The following ANKRD44 variants were observed in gnomAD, a reference collection of about 807,000 sequenced individuals.
ANKRD44 encodes ankyrin repeat domain 44.
A neutral mutation model predicts 116.0 loss-of-function variants in ANKRD44; 35 were observed. That is an observed-to-expected ratio of 0.30 (90% CI 0.23 to 0.40). The LOEUF is 0.40. ANKRD44 is among the 10% of genes least tolerant of loss of function. ANKRD44 has a pLI of 1.00. For missense variants in ANKRD44, 1,014 were observed against 1,242.6 expected (o/e 0.82, Z 2.77); for synonymous variants, 435 against 461.8 (o/e 0.94, Z 0.74).
intron 2 of ANKRD44, among the ~76,000 whole-genome samples, chr2:197,156,156 C>T (rs573447157): frequency 3.9e-5 from 6 of 152,234 alleles, no homozygotes; most frequent in Admixed American, 2.6e-4. Flanking sequence ...ATCATCCTGG[C>T]TAACATGGTG....
chr2:197,037,784 C>T (rs759345356), intron 16 of ANKRD44, among the ~76,000 whole-genome samples: 1 of 151,984 alleles, frequency 6.6e-6, no homozygotes, highest in Non-Finnish European at 1.5e-5. Context: ...CAAACAATGA[C>T]AAAAAACAAT....
chr2:197,129,725 T>TA (rs1297835472), intron 4 of ANKRD44, among the ~76,000 whole-genome samples: 1 of 152,234 alleles, frequency 6.6e-6, no homozygotes, highest in Non-Finnish European at 1.5e-5. Context: ...AGTAGAAACA[T>TA]ACACTGTGGC....
chr2:197,105,758 T>G (rs1379378332), intron 9 of ANKRD44, among the ~76,000 whole-genome samples: 2 of 152,256 alleles, frequency 1.3e-5, no homozygotes, highest in East Asian at 3.9e-4. Context: ...GATGGTAGCT[T>G]TGGAGACAGG....
At chr2:197,249,780 C>T (rs1476767287) in intron 1 of ANKRD44, among the ~76,000 whole-genome samples, 1 of 152,084 alleles carries the variant, frequency 6.6e-6, no homozygotes, top group African/African-American at 2.4e-5. Flanking sequence ...CTACATTTTA[C>T]TTTCATTATC....
At chr2:197,125,510 A>C in intron 5 of ANKRD44, 42 bp from the exon 6 acceptor site, 1 of 1,553,552 alleles carries the variant, frequency 6.4e-7, no homozygotes, top group Middle Eastern at 2.0e-4. Flanking sequence ...ACATTCTGTA[A>C]TGGTGAGGCC....
chr2:197,258,950 A>C (rs975272603), intron 1 of ANKRD44, among the ~76,000 whole-genome samples: 1 of 152,194 alleles, frequency 6.6e-6, no homozygotes, highest in Non-Finnish European at 1.5e-5. Flanking sequence ...GATATTCATG[A>C]AGTGCTCTGG....
At chr2:197,186,239 C>T (rs2080655275) in intron 2 of ANKRD44, among the ~76,000 whole-genome samples, 1 of 152,106 alleles carries the variant, frequency 6.6e-6, no homozygotes, top group African/African-American at 2.4e-5. Context: ...AAAATTGCAC[C>T]TCTATTATCA....
chr2:197,222,381 T>C (rs532785862), intron 1 of ANKRD44, among the ~76,000 whole-genome samples: 1 of 152,294 alleles, frequency 6.6e-6, no homozygotes, highest in African/African-American at 2.4e-5. Context: ...CTAAATATTC[T>C]CTTTAAAGAT....
intron 1 of ANKRD44, among the ~76,000 whole-genome samples, chr2:197,259,379 A>G (rs2082537253): frequency 6.6e-6 from 1 of 152,164 alleles, no homozygotes; most frequent in Admixed American, 6.5e-5. Context: ...AACTTTGTAA[A>G]CCTAAGAAAC....
At chr2:197,017,019 A>C (rs2076405340) in intron 17 of ANKRD44, among the ~76,000 whole-genome samples, 1 of 152,230 alleles carries the variant, frequency 6.6e-6, no homozygotes, top group Non-Finnish European at 1.5e-5. Context: ...TGAAGAAATA[A>C]GTAAAATTTT....
intron 17 of ANKRD44, among the ~76,000 whole-genome samples, chr2:197,017,202 A>T (rs4241193): frequency 6.6e-6 from 1 of 151,968 alleles, no homozygotes; most frequent in Admixed American, 6.6e-5. Context: ...AAAAGAGAAA[A>T]GAAGTTGCAA....
intron 8 of ANKRD44, among the ~76,000 whole-genome samples, chr2:197,118,540 A>T (rs889274212): frequency 6.6e-6 from 1 of 152,050 alleles, no homozygotes; most frequent in Admixed American, 6.6e-5. Context: ...CAGTGAGCCA[A>T]GATCCTGCCA....
At chr2:197,047,298 G>A (rs1400534564) in intron 16 of ANKRD44, among the ~76,000 whole-genome samples, 1 of 152,138 alleles carries the variant, frequency 6.6e-6, no homozygotes, top group African/African-American at 2.4e-5. Flanking sequence ...GAGATGACAG[G>A]CGTGAGCCAC....
At chr2:197,074,443 G>A (rs187988652) in intron 16 of ANKRD44, among the ~76,000 whole-genome samples, 49 of 152,200 alleles carry the variant, frequency 3.2e-4, no homozygotes, top group Non-Finnish European at 1.5e-5. Context: ...TTAGTCTTGA[G>A]AGGCGTAATG....
At chr2:197,257,074 C>T (rs1310677098) in intron 1 of ANKRD44, among the ~76,000 whole-genome samples, 27 of 152,196 alleles carry the variant, frequency 1.8e-4, no homozygotes, top group Admixed American at 1.5e-3. Context: ...CCAATCCAAT[C>T]CCCAAGAAGA....
chr2:197,016,142 A>G (rs1574280854), intron 17 of ANKRD44: 1 of 321,768 alleles, frequency 3.1e-6, no homozygotes, highest in Non-Finnish European at 6.2e-6. Flanking sequence ...CACAGGAATG[A>G]TCATCCATAG....
intron 1 of ANKRD44, among the ~76,000 whole-genome samples, chr2:197,289,255 TAA>T (rs1386793830): frequency 1.3e-5 from 2 of 152,206 alleles, no homozygotes; most frequent in African/African-American, 4.8e-5. Context: ...AGCTAAAATT[TAA>T]AAGACTGCTA....
downstream of ANKRD44, among the ~76,000 whole-genome samples, chr2:196,984,813 C>T (rs1272555355): frequency 1.3e-5 from 2 of 152,204 alleles, no homozygotes. Context: ...TATGATGTTA[C>T]AGCCTCAAAG....
intron 2 of ANKRD44, among the ~76,000 whole-genome samples, chr2:197,177,907 A>C (rs2080405702): frequency 6.6e-6 from 1 of 152,266 alleles, no homozygotes; most frequent in Non-Finnish European, 1.5e-5. Flanking sequence ...AGATAACATG[A>C]TACAACCTCA....
Sources: gnomAD v4.1 joint callset for allele counts (sites outside exome capture counted in the v4.1 genomes callset) on GRCh38, gnomAD v4.1.1 for gene constraint, MANE v1.5 for transcripts, NCBI Gene and HGNC (gene_info 2026-07-23, HGNC 2026-07-21) for gene names.